The following PHACTR2 variants were observed in gnomAD, a reference collection of about 807,000 sequenced individuals.
The protein encoded by PHACTR2 is phosphatase and actin regulator 2, also known as chromosome 6 open reading frame 56.
A neutral mutation model predicts 76.0 loss-of-function variants in PHACTR2; 30 were observed. The ratio of observed to expected loss-of-function variants is 0.39; its 90% CI spans 0.30 to 0.54. PHACTR2 has a LOEUF of 0.54. Among genes scored for constraint, PHACTR2 ranks in the 20% least tolerant of loss-of-function variants. The pLI is 0.61. For synonymous variants in PHACTR2, 292 were observed against 292.5 expected (o/e 1.00, Z 0.02); for missense variants, 696 against 781.1 (o/e 0.89, Z 1.30).
chr6:143,803,256 A>G lies in PHACTR2; in HGVS notation c.1846-3801A>G, dbSNP rs1473913914. On this transcript the variant is annotated intron_variant, in intron 11 of 12. Transcript: ENST00000440869. The surrounding 1 kb of genome is among the most constrained non-coding windows in gnomAD (Gnocchi z 4.7). Reference sequence around the variant, plus strand: ...AATCTGACAGATTTTCAATGTGAAAATAAAATAGAGGCCGATTGCAGTGGC... The same window carrying G: ...AATCTGACAGATTTTCAATGTGAAAGTAAAATAGAGGCCGATTGCAGTGGC... Among the ~76,000 whole-genome samples the G allele has an allele frequency of 3.9e-5, 6 of 152,236 alleles. 1 individual carries two copies. The highest frequency in any genetic ancestry group is 3.9e-4 in the Admixed American group (6 of 15,282).
chr6:143,723,254 A>G (rs1487838731), intron 2 of PHACTR2, among the ~76,000 whole-genome samples: 4 of 152,146 alleles, frequency 2.6e-5, no homozygotes, highest in African/African-American at 9.7e-5. Context: ...AGAGAACCAC[A>G]TCTCACCTTC....
Position 143,561,819 on chromosome 6 carries a change from T to G in PHACTR2, c.217+24612T>G, listed in dbSNP as rs1341258745. On this transcript the variant is annotated intron_variant, in intron 1 of 11. Transcript: ENST00000367584. The surrounding 1 kb of genome is among the most constrained non-coding windows in gnomAD (Gnocchi z 4.1). ...GGGAGAGCTGGGTTATTACTGCTTG[T>G]GTGATCTCACCCTTCACCGCCAGCT... 6.6e-6 allele frequency: 1 copy of G among 152,260 alleles called. No individual in the cohort carries two copies. The highest frequency in any genetic ancestry group is 6.5e-5 in the Admixed American group (1 of 15,284). The allele number at this position is 152,260 out of a possible 1,614,324, so 9.4% of individuals were successfully genotyped here.
rs1775430465 is a variant in PHACTR2 at position 143,570,161 on chromosome 6, C to T, written c.217+32954C>T. Among the ~76,000 whole-genome samples the T allele has an allele frequency of 1.3e-5, 2 of 152,088 alleles. No individual in the cohort carries two copies. The highest frequency in any genetic ancestry group is 4.8e-5 in the African/African-American group (2 of 41,408). The stretch of plus-strand genomic sequence containing the variant: ...TGTGTTAGGCTCAAATCAGATTTAA[C>T]CAAAGATCAGCATTCGTGGCATCAT... On this transcript the variant is annotated intron_variant, in intron 1 of 11. Coordinates refer to the PHACTR2 transcript ENST00000367584. The surrounding 1 kb of genome is among the most constrained non-coding windows in gnomAD (Gnocchi z 4.6).
At chr6:143,604,764 C>T (rs1251638320), upstream of PHACTR2, among the ~76,000 whole-genome samples, 1 of 151,580 alleles carries the variant, frequency 6.6e-6, no homozygotes, top group African/African-American at 2.4e-5. Context: ...AGGTGGTGAG[C>T]ACCTGTAATC....
intron 1 of PHACTR2, among the ~76,000 whole-genome samples, chr6:143,651,662 C>T (rs79326338): frequency 0.024 from 3,693 of 151,736 alleles, 144 homozygotes; most frequent in African/African-American, 0.081. Flanking sequence ...CACATGGCAG[C>T]GAAACAACAC....
rs1471333163 is a variant in PHACTR2 at position 143,761,657 on chromosome 6, G to A, written c.694+1017G>A. Among the ~76,000 whole-genome samples the A allele has an allele frequency of 6.6e-6, 1 of 152,082 alleles. No homozygotes were observed. Among genetic ancestry groups the A allele is most frequent in the Non-Finnish European group, 1.5e-5 (1 of 68,024 alleles). On this transcript the variant is annotated intron_variant, in intron 5 of 12. Coordinates refer to ENST00000440869, the MANE Select transcript of PHACTR2 (RefSeq NM_001100164.2). This position sits in a 1 kb window ranked among gnomAD's most constrained non-coding sequence, Gnocchi z 5.2. The stretch of plus-strand genomic sequence containing the variant: ...TAATCCCAGCTACTCAGGAGGCTGA[G>A]GCAGGAAAATCGCTTGAACCCAGGA...
Position 143,801,546 on chromosome 6 carries a change from A to T in PHACTR2, c.1846-5511A>T, listed in dbSNP as rs574225037. ...TTCTCGTACTGTAGTTTTCAGCTCCATCAGGTTATTTAAGCTCTTCTCTAC... is the reference window on the plus strand; with the variant it reads ...TTCTCGTACTGTAGTTTTCAGCTCCTTCAGGTTATTTAAGCTCTTCTCTAC... On this transcript the variant is annotated intron_variant, in intron 11 of 12. Coordinates refer to ENST00000440869, the MANE Select transcript of PHACTR2 (RefSeq NM_001100164.2). This position sits in a 1 kb window ranked among gnomAD's most constrained non-coding sequence, Gnocchi z 4.6. 4.9e-4 allele frequency among the ~76,000 whole-genome samples: 74 copies of T among 152,138 alleles called. No homozygotes were observed. Among genetic ancestry groups the T allele is most frequent in the Non-Finnish European group, 1.0e-3 (71 of 68,024 alleles).
chr6:143,663,406 G>A lies in PHACTR2; in HGVS notation c.14-48610G>A, dbSNP rs978835383. ...TCACTTCTCTTGATTTTAAGATTCT[G>A]TTTCATTGGTGCCCTTGTTTTTATC... On this transcript the variant is annotated intron_variant, in intron 1 of 11. Transcript: ENST00000305766. The surrounding 1 kb of genome is among the most constrained non-coding windows in gnomAD (Gnocchi z 4.1). Among the ~76,000 whole-genome samples, 2 of 151,950 alleles carry A rather than the reference G, an allele frequency of 1.3e-5. No homozygotes were observed. The highest frequency in any genetic ancestry group is 4.8e-5 in the African/African-American group (2 of 41,330).
At chr6:143,674,333 A>C (rs1287672106), upstream of PHACTR2, among the ~76,000 whole-genome samples, 2 of 152,154 alleles carry the variant, frequency 1.3e-5, no homozygotes, top group African/African-American at 4.8e-5. This position sits in a 1 kb window ranked among gnomAD's most constrained non-coding sequence, Gnocchi z 4.9. Context: ...AAACTACCCA[A>C]ATAGTTAAAA....
Position 143,731,523 on chromosome 6 carries a change from G to A in PHACTR2, c.215-17462G>A, listed in dbSNP as rs1424982734. Among the ~76,000 whole-genome samples, 2 of 152,166 alleles carry A rather than the reference G, an allele frequency of 1.3e-5. No individual in the cohort carries two copies. Among genetic ancestry groups the A allele is most frequent in the East Asian group, 3.8e-4 (2 of 5,200 alleles). On this transcript the variant is annotated intron_variant, in intron 2 of 12. Coordinates refer to ENST00000440869, the MANE Select transcript of PHACTR2 (RefSeq NM_001100164.2). This position sits in a 1 kb window ranked among gnomAD's most constrained non-coding sequence, Gnocchi z 4.9. Reference sequence around the variant, plus strand: ...GCTGGTCTCGAACTCTGGACCTCAGGTGATCTGCCCGCCTCGGCCTCCCAA... The same window carrying A: ...GCTGGTCTCGAACTCTGGACCTCAGATGATCTGCCCGCCTCGGCCTCCCAA...
chr6:143,574,535 T>G (rs1329374019), intron 1 of PHACTR2, among the ~76,000 whole-genome samples: 1 of 152,230 alleles, frequency 6.6e-6, no homozygotes. Context: ...TATAACTATT[T>G]TTTTTTCTAC....
chr6:143,717,299 T>G (rs1778324992), intron 2 of PHACTR2, among the ~76,000 whole-genome samples: 1 of 152,202 alleles, frequency 6.6e-6, no homozygotes. Flanking sequence ...TTCTTGACTT[T>G]GATTCAGCAC....
rs148737070 is a variant in PHACTR2 at position 143,738,528 on chromosome 6, T to A, written c.215-10457T>A. Among the ~76,000 whole-genome samples the A allele has an allele frequency of 5.0e-3, 751 of 151,674 alleles. 6 individuals are homozygous for A. Among genetic ancestry groups the A allele is most frequent in the African/African-American group, 0.017 (710 of 41,302 alleles). On this transcript the variant is annotated intron_variant, in intron 2 of 12. Coordinates refer to ENST00000440869, the MANE Select transcript of PHACTR2 (RefSeq NM_001100164.2). This position sits in a 1 kb window ranked among gnomAD's most constrained non-coding sequence, Gnocchi z 4.0. The stretch of plus-strand genomic sequence containing the variant: ...ATCCTAGCACTTTGGGAGGCCAAGG[T>A]AAATGGATCACTTGAGCTCACGACC...
intron 1 of PHACTR2, among the ~76,000 whole-genome samples, chr6:143,584,954 A>C (rs1340659161): frequency 1.3e-5 from 2 of 149,442 alleles, no homozygotes; most frequent in Non-Finnish European, 3.0e-5. Flanking sequence ...TCTAAACCCC[A>C]AGACCCTGGC....
rs1364573575 is a variant in PHACTR2, at chr6:143,791,684, CTA to C, written c.1845+2776_1845+2777del. On this transcript the variant is annotated intron_variant, in intron 11 of 12. Coordinates refer to ENST00000440869, the MANE Select transcript of PHACTR2 (RefSeq NM_001100164.2). The surrounding 1 kb of genome is among the most constrained non-coding windows in gnomAD (Gnocchi z 4.7). ...CAAACAAGACATGTTAAATCTCCCA[CTA>C]TGTGGATTTTTTTTTTTACTTCTCC... 6.6e-6 allele frequency among the ~76,000 whole-genome samples: 1 copy of C among 151,772 alleles called. No individual in the cohort carries two copies. Among genetic ancestry groups the C allele is most frequent in the Non-Finnish European group, 1.5e-5 (1 of 67,994 alleles).
chr6:143,653,459 T>G lies in PHACTR2; in HGVS notation c.13+45137T>G, dbSNP rs1389377885. Among the ~76,000 whole-genome samples, 4 of 152,140 alleles carry G rather than the reference T, an allele frequency of 2.6e-5. No homozygotes were observed. Among genetic ancestry groups the G allele is most frequent in the African/African-American group, 9.7e-5 (4 of 41,432 alleles). On this transcript the variant is annotated intron_variant, in intron 1 of 11. Transcript: ENST00000305766. The surrounding 1 kb of genome is among the most constrained non-coding windows in gnomAD (Gnocchi z 4.9). ...GTGCTTTGAAGACACAGTTTACTAA[T>G]GGCCTGAAAGAATTCATTGCAGCTT...
At chr6:143,745,497 G>A (rs1779039407) in intron 2 of PHACTR2, among the ~76,000 whole-genome samples, 1 of 152,192 alleles carries the variant, frequency 6.6e-6, no homozygotes, top group Non-Finnish European at 1.5e-5. Flanking sequence ...CCCCTGCTTT[G>A]TGCGGTGTGT....
intron 4 of PHACTR2, among the ~76,000 whole-genome samples, chr6:143,759,521 G>A (rs1441347342): frequency 2.6e-5 from 4 of 151,962 alleles, no homozygotes; most frequent in Admixed American, 6.6e-5. Flanking sequence ...GGGCGTGGTG[G>A]CAAACACCTG....
chr6:143,555,407 C>A (rs954627347), intron 1 of PHACTR2, among the ~76,000 whole-genome samples: 3 of 152,136 alleles, frequency 2.0e-5, no homozygotes, highest in Non-Finnish European at 2.9e-5. Flanking sequence ...AGCCAAAAAC[C>A]TTATCACTTT....
Sources: gnomAD v4.1 joint callset for allele counts (sites outside exome capture counted in the v4.1 genomes callset) on GRCh38, gnomAD v4.1.1 for gene constraint, Gnocchi (gnomAD v3.1) non-coding constraint, MANE v1.5 for transcripts, NCBI Gene and HGNC (gene_info 2026-07-23, HGNC 2026-07-21) for gene names.